The following KREMEN1 variants were observed in gnomAD, a reference collection of about 807,000 sequenced individuals.
The protein encoded by KREMEN1 is kringle containing transmembrane protein 1.
In KREMEN1, 30 loss-of-function variants were observed where a neutral mutation model predicts 46.5. The ratio of observed to expected loss-of-function variants is 0.65; its 90% confidence interval spans 0.48 to 0.88. The LOEUF (loss-of-function observed/expected upper bound fraction) is 0.88, where lower values mean the gene tolerates loss of function less well. Ranked by LOEUF, KREMEN1 falls within the 40% of genes least tolerant of loss-of-function variation. The probability of loss-of-function intolerance (pLI) is 0.00; values close to 1 mark genes in which losing one functional copy is unlikely to be tolerated. For missense variants in KREMEN1, 533 were observed against 596.9 expected, an observed-to-expected ratio of 0.89 and a Z score of 1.11; for synonymous variants, 214 against 230.6, an observed-to-expected ratio of 0.93 and a Z score of 0.65.
intron 5 of KREMEN1, among the ~76,000 whole-genome samples, chr22:29,126,248 A>G (rs971270403): frequency 6.6e-6 from 1 of 152,204 alleles, no homozygotes; most frequent in Non-Finnish European, 1.5e-5. Context: ...AAAATGACAT[A>G]TGGTTTATTA....
Position 29,073,182 on chromosome 22 carries a change from C to T in KREMEN1, c.52C>T (p.Leu18=). ...LALLSAAALT[L]AARPAPSPGL... is the part of the protein sequence containing the mutation. ...CCTGCTCTCCGCCGCGGCGCTCACGCTGGCGGCCCGGCCCGCGCCTAGCCC... is the reference window on the plus strand; with the variant it reads ...CCTGCTCTCCGCCGCGGCGCTCACGTTGGCGGCCCGGCCCGCGCCTAGCCC... The change falls in exon 1 of 9, where the codon CTG becomes TTG. Residue 18 remains leucine, a synonymous_variant. Coordinates refer to ENST00000400335, the MANE Select transcript of KREMEN1 (RefSeq NM_001039570.3). The surrounding 1 kb of genome is among the most constrained non-coding windows in gnomAD (Gnocchi z 4.4). 8.4e-7 allele frequency: 1 copy of T among 1,184,318 alleles called. No individual in the cohort carries two copies. The highest frequency in any genetic ancestry group is 1.0e-6 in the Non-Finnish European group (1 of 959,480). 73.4% of individuals were successfully genotyped at this position (1,184,318 alleles called of 1,614,324 possible). A position where few individuals can be genotyped will look rare whatever the true frequency, so the allele number is the denominator to read the frequency against.
intron 3 of KREMEN1, among the ~76,000 whole-genome samples, chr22:29,114,304 T>C (rs2038198836): frequency 2.6e-5 from 4 of 151,620 alleles, no homozygotes; most frequent in African/African-American, 9.7e-5. Context: ...GCCAACATGG[T>C]GAAACCCCAT....
At chr22:29,165,791 G>A (rs748150781) in intron 9 of KREMEN1, among the ~76,000 whole-genome samples, 2 of 152,174 alleles carry the variant, frequency 1.3e-5, no homozygotes, top group Non-Finnish European at 2.9e-5. Context: ...GACTCCAGGC[G>A]GCAAGACATT....
chr22:29,150,789 C>T (rs372098792), downstream of KREMEN1, among the ~76,000 whole-genome samples: 51 of 152,340 alleles, frequency 3.3e-4, no homozygotes, highest in East Asian at 1.9e-3. Context: ...ACCATCTCTG[C>T]AGTACGTACT....
At chr22:29,089,806 G>A (rs713861) in intron 1 of KREMEN1, among the ~76,000 whole-genome samples, 111,022 of 152,028 alleles carry the variant, frequency 0.73, 40,944 homozygotes, top group Middle Eastern at 0.84. Flanking sequence ...AATCTGCCAA[G>A]CATATTGCCA....
At chr22:29,081,763 AT>A (rs1322738283) in intron 1 of KREMEN1, among the ~76,000 whole-genome samples, 1 of 152,230 alleles carries the variant, frequency 6.6e-6, no homozygotes, top group African/African-American at 2.4e-5. Flanking sequence ...ACAAGTACTT[AT>A]CAAATTCCTC....
chr22:29,133,356 G>T (rs1405229353), intron 5 of KREMEN1, among the ~76,000 whole-genome samples: 1 of 151,328 alleles, frequency 6.6e-6, no homozygotes, highest in Non-Finnish European at 1.5e-5. Flanking sequence ...CTAGAGTGCA[G>T]TAGTGCAGTC....
downstream of KREMEN1, among the ~76,000 whole-genome samples, chr22:29,148,929 A>C: frequency 6.7e-6 from 1 of 150,046 alleles, no homozygotes; most frequent in East Asian, 2.0e-4. Flanking sequence ...GAATATTACC[A>C]CCGCAGACGT....
intron 5 of KREMEN1, among the ~76,000 whole-genome samples, chr22:29,126,889 A>G (rs1323753628): frequency 6.6e-6 from 1 of 152,166 alleles, no homozygotes; most frequent in Admixed American, 6.5e-5. Context: ...TTAGTTTGAT[A>G]CCTTTGTTTT....
At chr22:29,107,397 AT>A (rs1358462860) in intron 3 of KREMEN1, among the ~76,000 whole-genome samples, 3 of 151,356 alleles carry the variant, frequency 2.0e-5, no homozygotes, top group African/African-American at 7.3e-5. Flanking sequence ...TAATTTTTGT[AT>A]TTTTAGTAGA....
chr22:29,119,295 G>T (rs1330556231), intron 3 of KREMEN1, among the ~76,000 whole-genome samples: 1 of 152,248 alleles, frequency 6.6e-6, no homozygotes, highest in African/African-American at 2.4e-5. Flanking sequence ...TTCTTGTGGA[G>T]TTTGCCATAC....
intron 5 of KREMEN1, among the ~76,000 whole-genome samples, chr22:29,128,638 G>A (rs771338585): frequency 5.9e-5 from 9 of 152,210 alleles, no homozygotes; most frequent in Admixed American, 1.3e-4. Context: ...AAGGTGCACT[G>A]AAGTGAATTA....
chr22:29,092,199 A>T (rs973824291), intron 1 of KREMEN1, among the ~76,000 whole-genome samples: 1 of 152,176 alleles, frequency 6.6e-6, no homozygotes, highest in Non-Finnish European at 1.5e-5. Context: ...TTCAGGGTGT[A>T]TGTTTTAGGG....
intron 1 of KREMEN1, among the ~76,000 whole-genome samples, chr22:29,074,259 T>G (rs959167805): frequency 1.3e-5 from 2 of 152,318 alleles, no homozygotes; most frequent in South Asian, 4.1e-4. Flanking sequence ...TGAACTTCCC[T>G]ATGACTCAGG....
chr22:29,138,644 C>A lies in KREMEN1; in HGVS notation c.985C>A (p.Gln329Lys). The A allele has an allele frequency of 6.2e-7, 1 of 1,614,248 alleles. No individual in the cohort carries two copies. Among genetic ancestry groups the A allele is most frequent in the Non-Finnish European group, 8.5e-7 (1 of 1,180,044 alleles). The change falls in exon 7 of 9, where the codon CAG (glutamine) becomes AAG (lysine). Residue 329 changes from glutamine to lysine, a missense_variant. Transcript: ENST00000400335. ...TCCAGCCGTCAAGGAAGAACTGCCA[C>A]AGGAGAGGCCCGCTGTCAACCAGAC... ...LYQAVKEELPQERPAVNQTVA... is the reference protein window; with the variant it reads ...LYQAVKEELPKERPAVNQTVA...
rs531809062 is a variant in KREMEN1, at chr22:29,128,659, CAA to C, written c.631+3244_631+3245del. Among the ~76,000 whole-genome samples the C allele has an allele frequency of 1.8e-4, 28 of 152,324 alleles. No individual in the cohort carries two copies. In the South Asian group the frequency reaches 2.5e-3, roughly 14 times the overall value. ...CACTGAAGTGAATTAATTATAACAACAATTATTGCTATTTACTGAGTGCTTGT... is the reference window on the plus strand; with the variant it reads ...CACTGAAGTGAATTAATTATAACAACTTATTGCTATTTACTGAGTGCTTGT... On this transcript the variant is annotated intron_variant, in intron 5 of 8. Coordinates refer to ENST00000400335, the MANE Select transcript of KREMEN1 (RefSeq NM_001039570.3).
At chr22:29,115,450 C>CG (rs2038223806) in intron 3 of KREMEN1, among the ~76,000 whole-genome samples, 1 of 134,216 alleles carries the variant, frequency 7.5e-6, no homozygotes, top group Non-Finnish European at 1.5e-5. Context: ...AAAAAAAAAA[C>CG]CAGAAGTACC....
intron 1 of KREMEN1, among the ~76,000 whole-genome samples, chr22:29,086,149 G>A (rs969056934): frequency 6.6e-6 from 1 of 151,568 alleles, no homozygotes; most frequent in Non-Finnish European, 1.5e-5. Context: ...CCAGACTTTT[G>A]GACCTGATTT....
At chr22:29,092,632 C>T (rs766544051) in intron 1 of KREMEN1, among the ~76,000 whole-genome samples, 5 of 152,156 alleles carry the variant, frequency 3.3e-5, no homozygotes, top group Admixed American at 2.0e-4. Context: ...TTATGGTACA[C>T]GAAGAGTTGC....
Sources: gnomAD v4.1 joint callset for allele counts (sites outside exome capture counted in the v4.1 genomes callset) on GRCh38, gnomAD v4.1.1 for gene constraint, Gnocchi (gnomAD v3.1) non-coding constraint, MANE v1.5 for transcripts, NCBI Gene and HGNC (gene_info 2026-07-23, HGNC 2026-07-21) for gene names.